Variants in PEX5 observed in about 807,000 individuals in gnomAD.
PEX5 encodes PTS1 receptor.
Under a neutral mutation model 82.9 loss-of-function variants are expected in PEX5, and 52 were observed. That is an observed-to-expected ratio of 0.63 (90% confidence interval 0.50 to 0.79). The LOEUF is 0.79. PEX5 is among the 30% of genes least tolerant of loss of function. The pLI is 0.00. For missense variants in PEX5, 719 were observed against 815.2 expected (o/e 0.88, Z 1.44); for synonymous variants, 300 against 318.8 (o/e 0.94, Z 0.63).
At chr12:7,205,119 A>G (rs1023864213) in intron 10 of PEX5, among the ~76,000 whole-genome samples, 9 of 152,214 alleles carry the variant, frequency 5.9e-5, no homozygotes, top group Non-Finnish European at 1.2e-4. Flanking sequence ...AGTCTTTGCA[A>G]TGATTTTTGG....
rs1360602475 is a variant in PEX5, at chr12:7,210,658, G to C, written c.*435G>C. 1 of 309,620 alleles carries C rather than the reference G, an allele frequency of 3.2e-6. No individual in the cohort carries two copies. The highest frequency in any genetic ancestry group is 2.2e-5 in the African/African-American group (1 of 46,496). 19.2% of individuals were successfully genotyped at this position (309,620 alleles called of 1,614,324 possible). A position where few individuals can be genotyped will look rare whatever the true frequency, so the allele number is the denominator to read the frequency against. On this transcript the variant is annotated 3_prime_UTR_variant, in exon 16 of 16. Coordinates refer to ENST00000675855, the MANE Select transcript of PEX5 (RefSeq NM_001351132.2). ...AGTGTAAGTAGGAGGTTCATCTGCT[G>C]TGCGCCTCTAATGTCTGTCTGGATG...
At chr12:7,195,724 A>G (rs951115876) in intron 5 of PEX5, among the ~76,000 whole-genome samples, 1 of 150,990 alleles carries the variant, frequency 6.6e-6, no homozygotes, top group South Asian at 2.1e-4. Flanking sequence ...ACTCTAGTTG[A>G]GAGTTAGAAG....
rs1466944710 is a variant in PEX5 at position 7,189,704 on chromosome 12, A to G, written c.-63A>G. On this transcript the variant is annotated 5_prime_UTR_variant, in exon 1 of 16. Coordinates refer to ENST00000675855, the MANE Select transcript of PEX5 (RefSeq NM_001351132.2). ...CCGCCCCCTCTTCTCCCCTCCCCCAAGCCAGCACCTGGTGCCCCGGCGGGT... is the reference window on the plus strand; with the variant it reads ...CCGCCCCCTCTTCTCCCCTCCCCCAGGCCAGCACCTGGTGCCCCGGCGGGT... 8.0e-6 allele frequency: 3 copies of G among 373,702 alleles called. No individual in the cohort carries two copies. The highest frequency in any genetic ancestry group is 1.4e-5 in the Non-Finnish European group (3 of 213,222). The allele number at this position is 373,702 out of a possible 1,614,324, so 23.1% of individuals were successfully genotyped here. A position where few individuals can be genotyped will look rare whatever the true frequency, so the allele number is the denominator to read the frequency against.
At chr12:7,202,497 C>A in intron 8 of PEX5, 115 bp from the exon 9 acceptor site, 1 of 1,397,450 alleles carries the variant, frequency 7.2e-7, no homozygotes, top group Non-Finnish European at 1.0e-6. Flanking sequence ...GAAAGAGATT[C>A]TGAGAATGAT....
At chr12:7,189,667 C>G (rs755852529), upstream of PEX5, 1 of 352,486 alleles carries the variant, frequency 2.8e-6, no homozygotes, top group East Asian at 4.4e-5. Flanking sequence ...CTGAGCCCCG[C>G]CCCCTGGCTC....
chr12:7,214,641 C>A (rs1465634633), downstream of PEX5, among the ~76,000 whole-genome samples: 4 of 150,256 alleles, frequency 2.7e-5, no homozygotes, highest in Non-Finnish European at 4.4e-5. Context: ...GGGTGCAGCA[C>A]ACCAGCATGG....
chr12:7,207,524 G>T, intron 10 of PEX5, 135 bp from the exon 11 acceptor site: 5 of 835,384 alleles, frequency 6.0e-6, no homozygotes, highest in Non-Finnish European at 1.0e-5. Context: ...TTATAATATG[G>T]AGAATTTGCC....
intron 10 of PEX5, 107 bp from the exon 11 acceptor site, chr12:7,207,552 C>T (rs1944962429): frequency 2.8e-6 from 3 of 1,057,816 alleles, no homozygotes; most frequent in Non-Finnish European, 4.4e-6. Flanking sequence ...AATTCCGGAA[C>T]CTGTTTGGAG....
At chr12:7,198,846 T>C (rs1250378399) in intron 5 of PEX5, among the ~76,000 whole-genome samples, 165 bp from the exon 6 acceptor site, 1 of 152,140 alleles carries the variant, frequency 6.6e-6, no homozygotes, top group Admixed American at 6.5e-5. Flanking sequence ...ATGTTGAAAA[T>C]TTAGTACTAT....
intron 5 of PEX5, among the ~76,000 whole-genome samples, chr12:7,197,469 A>G (rs990915093): frequency 4.1e-5 from 6 of 144,704 alleles, no homozygotes; most frequent in African/African-American, 1.5e-4. Context: ...ATAATTATAT[A>G]TGTTATATAT....
Position 7,207,942 on chromosome 12 carries a change from A to G in PEX5, c.1111-68A>G. The G allele has an allele frequency of 4.6e-6, 7 of 1,530,028 alleles. No individual in the cohort carries two copies. The Admixed American group carries it at 1.2e-4, about 26-fold the overall frequency. 94.8% of individuals were successfully genotyped at this position (1,530,028 alleles called of 1,614,324 possible). A position where few individuals can be genotyped will look rare whatever the true frequency, so the allele number is the denominator to read the frequency against. ...GCTTGAGAGCGAGATGGTGAGTGGG[A>G]GAAGCCAGGGGGAAGGGCGAATGGA... On this transcript the variant is annotated intron_variant, in intron 11 of 15. Transcript: ENST00000675855.
Position 7,210,412 on chromosome 12 carries a change from G to A in PEX5, c.*189G>A, listed in dbSNP as rs1945426875. On this transcript the variant is annotated 3_prime_UTR_variant, in exon 16 of 16. Coordinates refer to ENST00000675855, the MANE Select transcript of PEX5 (RefSeq NM_001351132.2). Reference sequence around the variant, plus strand: ...TTCCTACATAATTGTAGGAAAATGAGCTGTGTCATCTCTGAGTCCCTTGGT... The same window carrying A: ...TTCCTACATAATTGTAGGAAAATGAACTGTGTCATCTCTGAGTCCCTTGGT... The A allele has an allele frequency of 6.1e-6, 4 of 650,570 alleles. No homozygotes were observed. The Admixed American group carries it at 6.5e-5, about 11-fold the overall frequency. The allele number at this position is 650,570 out of a possible 1,614,324, so 40.3% of individuals were successfully genotyped here. A position where few individuals can be genotyped will look rare whatever the true frequency, so the allele number is the denominator to read the frequency against.
chr12:7,203,511 T>C lies in PEX5; in HGVS notation c.926T>C (p.Leu309Pro). 6.2e-7 allele frequency: 1 copy of C among 1,614,062 alleles called. No individual in the cohort carries two copies. Among genetic ancestry groups the C allele is most frequent in the Non-Finnish European group, 8.5e-7 (1 of 1,179,994 alleles). ...AKRDAEAHPW[L>P]SDYDDLTSAT... ...CGGGATGCTGAGGCCCACCCCTGGC[T>C]TTCTGACTATGATGACCTTACGTCA... is the stretch of plus-strand genomic sequence containing the variant. The change falls in exon 10 of 16, where the codon CTT becomes CCT. Residue 309 changes from leucine to proline, a missense_variant. Physicochemically the swap from Leu to Pro is moderately conservative, Grantham distance 98. Coordinates refer to ENST00000675855, the MANE Select transcript of PEX5 (RefSeq NM_001351132.2).
In PEX5 at chr12:7,192,814, T is replaced by C. The variant is rs777191715; in HGVS notation, c.448+1114T>C. The stretch of plus-strand genomic sequence containing the variant: ...GTCTAATTTTCCTTGAGAGCATCCA[T>C]TGCTCCTCGCATCCTTTAGGATTGA... On this transcript the variant is annotated intron_variant, in intron 5 of 15. Transcript: ENST00000675855. 5.3e-5 allele frequency among the ~76,000 whole-genome samples: 8 copies of C among 152,328 alleles called. No individual in the cohort carries two copies. The South Asian group carries it at 1.4e-3, about 28-fold the overall frequency.
chr12:7,189,525 C>T (rs1591634885), upstream of PEX5: 1 of 173,862 alleles, frequency 5.8e-6, no homozygotes, highest in East Asian at 1.6e-4. Flanking sequence ...AAGACCCGCT[C>T]TCTAAGGTGC....
intron 10 of PEX5, among the ~76,000 whole-genome samples, chr12:7,206,877 T>C (rs1944871222): frequency 6.6e-6 from 1 of 152,234 alleles, no homozygotes; most frequent in Admixed American, 6.5e-5. Context: ...ACTTTTTATT[T>C]GCATGTCCCA....
chr12:7,208,141 T>C lies in PEX5; in HGVS notation c.1181+61T>C, dbSNP rs1352742485. ...AAGGCTCTGCATATAACCTTTTGAA[T>C]GACAGAAGCCCAGACCTGGATCCTT... On this transcript the variant is annotated intron_variant, in intron 12 of 15. Coordinates refer to ENST00000675855, the MANE Select transcript of PEX5 (RefSeq NM_001351132.2). The C allele has an allele frequency of 8.8e-6, 11 of 1,246,840 alleles. 1 individual carries two copies. Among genetic ancestry groups the C allele is most frequent in the Non-Finnish European group, 1.2e-5 (10 of 845,638 alleles). 77.2% of individuals were successfully genotyped at this position (1,246,840 alleles called of 1,614,324 possible). A position where few individuals can be genotyped will look rare whatever the true frequency, so the allele number is the denominator to read the frequency against.
Position 7,202,654 on chromosome 12 carries a change from A to G in PEX5, c.796A>G (p.Asn266Asp). Residue 266 changes from asparagine (N) to aspartate (D), a missense_variant, in exon 9 of 16, where the codon AAC becomes GAC. Asn to Asp is a conservative substitution (Grantham distance 23, BLOSUM62 1). Transcript: ENST00000675855. ...AWVDQFTRPV[N>D]TSALDMEFER... ...GGTTGACCAGTTCACAAGACCAGTA[A>G]ACACATCTGCCCTTGATATGGAGTT... is the stretch of plus-strand genomic sequence containing the variant. The G allele has an allele frequency of 6.2e-7, 1 of 1,614,140 alleles. No individual in the cohort carries two copies. The highest frequency in any genetic ancestry group is 8.5e-7 in the Non-Finnish European group (1 of 1,180,004).
intron 10 of PEX5, among the ~76,000 whole-genome samples, chr12:7,205,534 C>T (rs756282427): frequency 6.6e-6 from 1 of 152,154 alleles, no homozygotes; most frequent in African/African-American, 2.4e-5. Flanking sequence ...TTGTAGTGAT[C>T]ATTTCTGCAG....
Sources: gnomAD v4.1 joint callset for allele counts (sites outside exome capture counted in the v4.1 genomes callset) on GRCh38, gnomAD v4.1.1 for gene constraint, MANE v1.5 for transcripts, NCBI Gene and HGNC (gene_info 2026-07-23, HGNC 2026-07-21) for gene names.